Variants in MDGA2 observed in about 807,000 individuals in gnomAD.
MDGA2 encodes MAM domain containing glycosylphosphatidylinositol anchor 2.
A neutral mutation model predicts 117.8 loss-of-function variants in MDGA2; 40 were observed. The ratio of observed to expected loss-of-function variants is 0.34; its 90% CI spans 0.26 to 0.44. The LOEUF (loss-of-function observed/expected upper bound fraction) is 0.44, where lower values mean the gene tolerates loss of function less well. Among genes scored for constraint, MDGA2 ranks in the 20% least tolerant of loss-of-function variants. The probability of loss-of-function intolerance (pLI) is 1.00; values close to 1 mark genes in which losing one functional copy is unlikely to be tolerated. For synonymous variants in MDGA2, 452 were observed against 439.0 expected, an observed-to-expected ratio of 1.03 and a Z score of -0.37; for missense variants, 1,123 against 1,250.6, an observed-to-expected ratio of 0.90 and a Z score of 1.54.
chr14:47,008,314 C>G (rs999347828), intron 8 of MDGA2, among the ~76,000 whole-genome samples: 3 of 151,834 alleles, frequency 2.0e-5, no homozygotes, highest in Non-Finnish European at 2.9e-5. Flanking sequence ...AAAACGATTC[C>G]TAACAGGTAG....
intron 2 of MDGA2, among the ~76,000 whole-genome samples, chr14:47,245,669 C>G (rs2139621656): frequency 6.6e-6 from 1 of 151,936 alleles, no homozygotes; most frequent in South Asian, 2.1e-4. Context: ...AGTTGTAAAA[C>G]TGTAGGTACA....
intron 2 of MDGA2, among the ~76,000 whole-genome samples, chr14:47,274,809 T>C (rs549895806): frequency 6.6e-6 from 1 of 152,282 alleles, no homozygotes; most frequent in East Asian, 1.9e-4. Context: ...ATTTCCCTAA[T>C]GACTAAAGAT....
Position 47,218,127 on chromosome 14 carries a change from A to T in MDGA2, c.489T>A (p.Thr163=). The change falls in exon 3 of 17, where the codon ACT becomes ACA. Residue 163 remains threonine (T), a synonymous_variant. Transcript: ENST00000399232. Reference sequence around the variant, plus strand: ...GTCGCTGAATATTTGTAATCCTCAAAGTCTCATTGAAGACACTTGAGTCTT... The same window carrying T: ...GTCGCTGAATATTTGTAATCCTCAATGTCTCATTGAAGACACTTGAGTCTT... ...RFQDSSVFNE[T]LRITNIQRHQ... is the part of the protein sequence containing the mutation. The T allele has an allele frequency of 6.4e-7, 1 of 1,551,294 alleles. No individual in the cohort carries two copies. The highest frequency in any genetic ancestry group is 8.7e-7 in the Non-Finnish European group (1 of 1,146,680).
At chr14:47,283,576 G>T (rs538811662) in intron 2 of MDGA2, among the ~76,000 whole-genome samples, 31 of 152,194 alleles carry the variant, frequency 2.0e-4, no homozygotes, top group African/African-American at 7.5e-4. Context: ...CAGGTAAACT[G>T]TAAATAAAAT....
At chr14:47,227,133 C>G (rs953346959) in intron 2 of MDGA2, among the ~76,000 whole-genome samples, 3 of 152,134 alleles carry the variant, frequency 2.0e-5, no homozygotes, top group Admixed American at 6.5e-5. Context: ...GGTGTTCTGT[C>G]TGATTCCCTT....
At chr14:47,265,842 T>G (rs1411317968) in intron 2 of MDGA2, among the ~76,000 whole-genome samples, 1 of 152,072 alleles carries the variant, frequency 6.6e-6, no homozygotes, top group East Asian at 1.9e-4. Context: ...CACAGAAGTT[T>G]AAAATTTTCC....
intron 6 of MDGA2, among the ~76,000 whole-genome samples, chr14:47,062,606 T>C (rs1889928698): frequency 6.6e-6 from 1 of 151,376 alleles, no homozygotes; most frequent in Admixed American, 6.6e-5. Context: ...CAGGATAAAA[T>C]ATTGGTCATC....
At chr14:46,859,398 C>T (rs1881416368) in intron 14 of MDGA2, among the ~76,000 whole-genome samples, 1 of 152,124 alleles carries the variant, frequency 6.6e-6, no homozygotes, top group African/African-American at 2.4e-5. Context: ...TGAGGGAACC[C>T]CATACAGACT....
intron 8 of MDGA2, among the ~76,000 whole-genome samples, chr14:46,978,458 A>C (rs1886549909): frequency 6.6e-6 from 1 of 152,076 alleles, no homozygotes; most frequent in Admixed American, 6.6e-5. Flanking sequence ...TTTGCTGCTG[A>C]TATTAATTAC....
At chr14:47,367,246 C>A (rs951208455) in intron 1 of MDGA2, among the ~76,000 whole-genome samples, 2 of 152,132 alleles carry the variant, frequency 1.3e-5, no homozygotes, top group African/African-American at 2.4e-5. Context: ...GAGCAATCAT[C>A]CATCTTGTTT....
At chr14:47,216,867 A>G (rs1886108436) in intron 3 of MDGA2, among the ~76,000 whole-genome samples, 1 of 152,082 alleles carries the variant, frequency 6.6e-6, no homozygotes. Flanking sequence ...CATAATAATA[A>G]GGAAAGGGTG....
chr14:47,256,546 C>T (rs181276796), intron 2 of MDGA2, among the ~76,000 whole-genome samples: 284 of 152,144 alleles, frequency 1.9e-3, no homozygotes, highest in Non-Finnish European at 3.6e-3. Context: ...ACAGCATGCA[C>T]GGAAGTATGC....
chr14:47,500,087 A>G (rs1156656375), intron 1 of MDGA2, among the ~76,000 whole-genome samples: 1 of 152,224 alleles, frequency 6.6e-6, no homozygotes, highest in Non-Finnish European at 1.5e-5. Flanking sequence ...ATGATAAAGT[A>G]TACTTGAAAA....
intron 1 of MDGA2, among the ~76,000 whole-genome samples, chr14:47,482,395 T>C (rs887629300): frequency 2.0e-5 from 3 of 152,086 alleles, no homozygotes; most frequent in Non-Finnish European, 2.9e-5. Context: ...TTTATCTTCA[T>C]ACTGGAGGAA....
chr14:47,214,165 G>A (rs568279669), intron 3 of MDGA2, among the ~76,000 whole-genome samples: 1 of 152,168 alleles, frequency 6.6e-6, no homozygotes, highest in Admixed American at 6.5e-5. Context: ...AATTCGAGAT[G>A]AGATTTGTGT....
intron 8 of MDGA2, among the ~76,000 whole-genome samples, chr14:46,982,493 G>C (rs983220337): frequency 8.6e-5 from 13 of 151,572 alleles, no homozygotes; most frequent in East Asian, 3.9e-4. Context: ...GGCAGATCAC[G>C]AGGTCAGGAG....
chr14:47,549,910 C>T (rs982713365), intron 1 of MDGA2, among the ~76,000 whole-genome samples: 1 of 152,194 alleles, frequency 6.6e-6, no homozygotes, highest in African/African-American at 2.4e-5. Context: ...GCCTCCAGAA[C>T]TGTGAGACAA....
intron 8 of MDGA2, among the ~76,000 whole-genome samples, chr14:46,984,946 A>C (rs997213062): frequency 6.6e-6 from 1 of 152,056 alleles, no homozygotes; most frequent in Non-Finnish European, 1.5e-5. Flanking sequence ...TTCCCTTAAA[A>C]TACTTTTAAC....
intron 1 of MDGA2, among the ~76,000 whole-genome samples, chr14:47,524,137 G>A (rs1009112242): frequency 6.6e-6 from 1 of 152,106 alleles, no homozygotes; most frequent in Non-Finnish European, 1.5e-5. Flanking sequence ...TATTTTTGAA[G>A]ATTTGTATCC....
Sources: allele counts gnomAD v4.1 joint callset (sites outside exome capture counted in the v4.1 genomes callset), GRCh38; gene constraint gnomAD v4.1.1; transcripts MANE v1.5; gene names NCBI Gene and HGNC (gene_info 2026-07-23, HGNC 2026-07-21).